MYO9B: variants seen among roughly 807,000 people sequenced by gnomAD.
MYO9B encodes the protein myosin IXB, also known as unconventional myosin-IXb.
In MYO9B, 71 loss-of-function variants were observed where a neutral mutation model predicts 229.5. That is an observed-to-expected ratio of 0.31 (90% CI 0.26 to 0.38). The LOEUF is 0.38. MYO9B is among the 10% of genes least tolerant of loss of function. MYO9B has a pLI of 1.00. For missense variants in MYO9B, 2,255 were observed against 2,920.5 expected (o/e 0.77, Z 5.25); for synonymous variants, 1,185 against 1,235.8 (o/e 0.96, Z 0.86).
At chr19:17,202,770 T>C (rs1192960477) in intron 28 of MYO9B, 72 bp from the exon 29 acceptor site, 2 of 1,469,460 alleles carry the variant, frequency 1.4e-6, no homozygotes, top group Non-Finnish European at 9.3e-7. Context: ...GCCTGAGTTA[T>C]GGGGTGCCAG....
intron 14 of MYO9B, chr19:17,178,348 A>G (rs896677656): frequency 2.0e-5 from 3 of 152,258 alleles, no homozygotes; most frequent in Non-Finnish European, 2.9e-5. Context: ...CGCACCTGCA[A>G]TCCCAGCGCT....
At chr19:17,111,741 A>G (rs2057849927) in intron 2 of MYO9B, among the ~76,000 whole-genome samples, 1 of 152,000 alleles carries the variant, frequency 6.6e-6, no homozygotes, top group Non-Finnish European at 1.5e-5. Context: ...GAACATTTCC[A>G]TCCCCCTGAA....
chr19:17,106,344 A>G (rs1176049093), intron 2 of MYO9B, among the ~76,000 whole-genome samples: 1 of 152,126 alleles, frequency 6.6e-6, no homozygotes, highest in Non-Finnish European at 1.5e-5. Context: ...GCAGGCTATG[A>G]TATAGGTGCT....
chr19:17,198,734 C>CAAAAA (rs59292415), intron 24 of MYO9B, among the ~76,000 whole-genome samples: 2 of 41,194 alleles, frequency 4.9e-5, no homozygotes, highest in African/African-American at 9.3e-5. Flanking sequence ...GACTCCGTCT[C>CAAAAA]AAAAAAAAAA....
chr19:17,093,686 CGGGGGG>C (rs932983776), intron 1 of MYO9B, among the ~76,000 whole-genome samples: 1 of 98,606 alleles, frequency 1.0e-5, no homozygotes, highest in African/African-American at 3.3e-5. Context: ...AGTTTTTTTG[CGGGGGG>C]TGGGGGGGGG....
chr19:17,192,703 CA>C (rs1345682998), intron 20 of MYO9B, 42 bp from the exon 21 acceptor site: 1 of 1,473,938 alleles, frequency 6.8e-7, no homozygotes, highest in African/African-American at 1.4e-5. Flanking sequence ...GAGATGGTGT[CA>C]GGGGCAGTGC....
At chr19:17,199,706 T>C (rs1194743206) in intron 24 of MYO9B, among the ~76,000 whole-genome samples, 1 of 149,306 alleles carries the variant, frequency 6.7e-6, no homozygotes, top group East Asian at 2.0e-4. Context: ...TTTTCTTTTT[T>C]TTTTTTTTTG....
chr19:17,186,055 G>C, intron 18 of MYO9B, 54 bp downstream of exon 18: 6 of 1,524,324 alleles, frequency 3.9e-6, no homozygotes, highest in Non-Finnish European at 4.5e-6. Context: ...ACTCTTAGGG[G>C]TGTCGGTGTC....
intron 14 of MYO9B, among the ~76,000 whole-genome samples, chr19:17,180,457 A>G (rs1054119596): frequency 1.9e-4 from 28 of 147,366 alleles, no homozygotes; most frequent in Admixed American, 1.5e-3. Context: ...GGTTCAAGCA[A>G]TTCTGCCTCA....
At chr19:17,210,240 C>A in intron 36 of MYO9B, 93 bp from the exon 37 acceptor site, 1 of 1,314,232 alleles carries the variant, frequency 7.6e-7, no homozygotes, top group Non-Finnish European at 1.0e-6. Flanking sequence ...ACCAGGGACC[C>A]CCTATCTTGG....
chr19:17,123,424 T>G (rs904930923), intron 2 of MYO9B, among the ~76,000 whole-genome samples: 16 of 146,934 alleles, frequency 1.1e-4, no homozygotes, highest in Admixed American at 4.1e-4. Context: ...CAGTAGAAAT[T>G]TGTGTGTGTG....
chr19:17,134,453 G>T (rs2072244672), intron 2 of MYO9B, among the ~76,000 whole-genome samples: 1 of 128,198 alleles, frequency 7.8e-6, no homozygotes, highest in South Asian at 2.7e-4. Context: ...GTGCAGTGGT[G>T]CGATCTCAGC....
At chr19:17,079,599 C>T (rs899434153) in intron 1 of MYO9B, among the ~76,000 whole-genome samples, 4 of 152,202 alleles carry the variant, frequency 2.6e-5, no homozygotes, top group African/African-American at 7.2e-5. Flanking sequence ...TTCCCAAGCA[C>T]ATACTGCTGA....
At chr19:17,155,010 T>C (rs2072521679) in intron 6 of MYO9B, among the ~76,000 whole-genome samples, 1 of 151,874 alleles carries the variant, frequency 6.6e-6, no homozygotes, top group South Asian at 2.1e-4. Context: ...TTCACACATG[T>C]AATCACAGTG....
At position 17,114,968 on chromosome 19, in the gene MYO9B, T is replaced by C. The variant is rs377538448; in HGVS notation, c.840+12411T>C. Among the ~76,000 whole-genome samples the C allele has an allele frequency of 2.0e-4, 30 of 151,092 alleles. No homozygotes were observed. In the Middle Eastern group the frequency reaches 0.017, roughly 86 times the overall value. Reference sequence around the variant, plus strand: ...AATAAAACACTTCGTCTTTTTAGTGTCTTTTCATTTTTCTTAACTTTAAAA... The same window carrying C: ...AATAAAACACTTCGTCTTTTTAGTGCCTTTTCATTTTTCTTAACTTTAAAA... On this transcript the variant is annotated intron_variant, in intron 2 of 39. Transcript: ENST00000682292.
chr19:17,127,560 C>G (rs1340808132), intron 2 of MYO9B, among the ~76,000 whole-genome samples: 2 of 152,186 alleles, frequency 1.3e-5, no homozygotes, highest in Non-Finnish European at 2.9e-5. Flanking sequence ...AACTCCTGAC[C>G]TCAAGTGATC....
At chr19:17,164,086 A>G (rs111738841) in intron 10 of MYO9B, among the ~76,000 whole-genome samples, 1 of 152,192 alleles carries the variant, frequency 6.6e-6, no homozygotes, top group East Asian at 1.9e-4. Context: ...GCAGCATTTT[A>G]TAAGGAAATA....
rs377166664 is a variant in MYO9B, at chr19:17,203,471, G to A, written c.4990+213G>A. 1.8e-4 allele frequency among the ~76,000 whole-genome samples: 27 copies of A among 152,112 alleles called. No homozygotes were observed. The East Asian group carries it at 2.5e-3, about 14-fold the overall frequency. ...CTACTAAAAATACAAAAATTATCTG[G>A]GCACAGTAGTGGGCACCTGTAATCC... On this transcript the variant is annotated intron_variant, in intron 30 of 39. Coordinates refer to ENST00000682292, the MANE Select transcript of MYO9B (RefSeq NM_004145.4).
intron 2 of MYO9B, among the ~76,000 whole-genome samples, chr19:17,126,481 A>C (rs2058020622): frequency 6.6e-6 from 1 of 152,170 alleles, no homozygotes; most frequent in African/African-American, 2.4e-5. Flanking sequence ...TCTGTATTTC[A>C]CACAGATCCT....
Sources: gnomAD v4.1 joint callset for allele counts (sites outside exome capture counted in the v4.1 genomes callset) on GRCh38, gnomAD v4.1.1 for gene constraint, MANE v1.5 for transcripts, NCBI Gene and HGNC (gene_info 2026-07-23, HGNC 2026-07-21) for gene names.